Variants in MIOS observed in about 807,000 individuals in gnomAD.
MIOS encodes GATOR2 complex protein MIOS.
MIOS carries 52 observed loss-of-function variants against 96.9 expected under a neutral mutation model. That is an observed-to-expected ratio of 0.54 (90% confidence interval 0.43 to 0.68). MIOS has a LOEUF of 0.68. MIOS is among the 30% of genes least tolerant of loss of function. MIOS has a pLI of 0.00. For missense variants in MIOS, 1,005 were observed against 1,052.8 expected, an observed-to-expected ratio of 0.95 and a Z score of 0.63; for synonymous variants, 397 against 359.5, an observed-to-expected ratio of 1.10 and a Z score of -1.18.
intron 5 of MIOS, among the ~76,000 whole-genome samples, chr7:7,577,601 A>T (rs2115376073): frequency 6.6e-6 from 1 of 152,310 alleles, no homozygotes; most frequent in Non-Finnish European, 1.5e-5. Context: ...AGTGAAGCGA[A>T]GTTCCTAGAA....
intron 5 of MIOS, among the ~76,000 whole-genome samples, chr7:7,580,714 A>G (rs1205630612): frequency 6.8e-6 from 1 of 146,254 alleles, no homozygotes; most frequent in African/African-American, 2.6e-5. Flanking sequence ...TTTTTTTTAA[A>G]GAGACAGAAT....
At chr7:7,589,187 A>G (rs1447591837) in intron 8 of MIOS, among the ~76,000 whole-genome samples, 1 of 152,198 alleles carries the variant, frequency 6.6e-6, no homozygotes, top group Non-Finnish European at 1.5e-5. Flanking sequence ...TTAATTATCA[A>G]CATAATAAAT....
intron 11 of MIOS, chr7:7,605,275 A>G (rs566577000): frequency 9.3e-5 from 14 of 151,200 alleles, no homozygotes; most frequent in African/African-American, 3.4e-4. Flanking sequence ...TGTACAGATG[A>G]GAATTACCTG....
chr7:7,571,749 C>G lies in MIOS; in HGVS notation c.-40-687C>G, dbSNP rs188221584. ...ATATACGGCAGAGCTAGGACTAGAACTCAGGTTCGTTCAGTACATTCCAGT... is the reference window on the plus strand; with the variant it reads ...ATATACGGCAGAGCTAGGACTAGAAGTCAGGTTCGTTCAGTACATTCCAGT... On this transcript the variant is annotated intron_variant, in intron 3 of 12. Coordinates refer to ENST00000340080, the MANE Select transcript of MIOS (RefSeq NM_019005.4). Among the ~76,000 whole-genome samples the G allele has an allele frequency of 3.9e-5, 6 of 152,300 alleles. No individual in the cohort carries two copies. The East Asian group carries it at 1.2e-3, about 29-fold the overall frequency.
chr7:7,602,729 C>G (rs1235090633), intron 11 of MIOS, among the ~76,000 whole-genome samples: 2 of 151,704 alleles, frequency 1.3e-5, no homozygotes, highest in Admixed American at 6.6e-5. Flanking sequence ...AACTAAAGTT[C>G]ATATGGAACC....
At position 7,608,863 on chromosome 7, in the gene MIOS, TATATG is replaced by T. The variant is rs1406826618; in HGVS notation, c.*1773_*1777del. 1.3e-5 allele frequency: 2 copies of T among 152,068 alleles called. No individual in the cohort carries two copies. The highest frequency in any genetic ancestry group is 1.9e-4 in the East Asian group (1 of 5,204). The allele number at this position is 152,068 out of a possible 1,614,324, so 9.4% of individuals were successfully genotyped here. ...GTAATATGCTTATTTGTAATCCTAA[TATATG>T]AGGGTGACATTTTTAAGATTGTATG... is the stretch of plus-strand genomic sequence containing the variant. On this transcript the variant is annotated 3_prime_UTR_variant, in exon 13 of 13. Transcript: ENST00000340080.
At chr7:7,597,517 T>TATATATATATAAAA (rs372634070) in intron 11 of MIOS, among the ~76,000 whole-genome samples, 732 of 70,420 alleles carry the variant, frequency 0.01, 218 homozygotes, top group Non-Finnish European at 0.014. Context: ...TATATATATA[T>TATATATATATAAAA]GAAGGCAATA....
chr7:7,603,273 C>G (rs1583660815), intron 11 of MIOS, among the ~76,000 whole-genome samples: 3 of 151,718 alleles, frequency 2.0e-5, no homozygotes, highest in Admixed American at 2.0e-4. Context: ...TCAGAGTGAA[C>G]AGGCAACCTA....
chr7:7,568,123 G>T lies in MIOS; in HGVS notation c.-41G>T, dbSNP rs531300180. The T allele has an allele frequency of 6.6e-6, 1 of 152,284 alleles. No individual in the cohort carries two copies. Among genetic ancestry groups the T allele is most frequent in the Admixed American group, 6.5e-5 (1 of 15,304 alleles). The allele number at this position is 152,284 out of a possible 1,614,324, so 9.4% of individuals were successfully genotyped here. ...GAAGTGAGACTTGTTAAACTTGAAA[G>T]GTGAGGATATAAATACAAGCTGTAA... On this transcript the variant is annotated splice_region_variant and 5_prime_UTR_variant, in exon 3 of 13. Transcript: ENST00000340080.
At chr7:7,602,048 A>T (rs1374818628) in intron 11 of MIOS, among the ~76,000 whole-genome samples, 3 of 152,342 alleles carry the variant, frequency 2.0e-5, no homozygotes, top group Middle Eastern at 6.8e-3. Flanking sequence ...ACTCTCAATA[A>T]ATTAGGTATT....
At chr7:7,599,692 A>T (rs919789436) in intron 11 of MIOS, among the ~76,000 whole-genome samples, 1 of 152,172 alleles carries the variant, frequency 6.6e-6, no homozygotes, top group Non-Finnish European at 1.5e-5. Context: ...CTGATAAGAA[A>T]CAGTAGGAAA....
At chr7:7,597,207 T>C (rs193272488) in intron 11 of MIOS, among the ~76,000 whole-genome samples, 3,907 of 151,414 alleles carry the variant, frequency 0.026, 154 homozygotes, top group African/African-American at 0.09. Context: ...ACACCTGTAG[T>C]CCCAGCTGCT....
intron 11 of MIOS, among the ~76,000 whole-genome samples, chr7:7,599,347 T>C (rs9640045): frequency 0.95 from 145,200 of 152,226 alleles, 69,367 homozygotes; most frequent in East Asian, 1. Flanking sequence ...TGCTACTTTT[T>C]TCTAAAATCC....
intron 6 of MIOS, among the ~76,000 whole-genome samples, chr7:7,583,903 A>G (rs3807856): frequency 0.63 from 95,579 of 151,932 alleles, 31,172 homozygotes; most frequent in Admixed American, 0.74. Context: ...TTCATTTAGT[A>G]TTTTTTAAAA....
intron 11 of MIOS, among the ~76,000 whole-genome samples, chr7:7,600,043 C>T (rs377092493): frequency 4.6e-4 from 70 of 151,954 alleles, no homozygotes; most frequent in African/African-American, 1.4e-3. Context: ...GGAGGAGGAT[C>T]GAAAAACTAC....
intron 9 of MIOS, among the ~76,000 whole-genome samples, chr7:7,592,552 A>G (rs1299262159): frequency 6.6e-6 from 1 of 151,750 alleles, no homozygotes; most frequent in Non-Finnish European, 1.5e-5. Context: ...TAATTCTACA[A>G]CTCACCATAA....
intron 7 of MIOS, among the ~76,000 whole-genome samples, chr7:7,588,194 A>G (rs1316565050): frequency 6.6e-6 from 1 of 152,148 alleles, no homozygotes; most frequent in African/African-American, 2.4e-5. Flanking sequence ...AATTTGATAT[A>G]CTGTGCATCA....
At chr7:7,605,697 T>C (rs922538242) in intron 11 of MIOS, 3 of 367,038 alleles carry the variant, frequency 8.2e-6, no homozygotes, top group Non-Finnish European at 1.5e-5. Flanking sequence ...TCCAAAGTTT[T>C]AAATTTAGAT....
rs551203355 is a variant in MIOS at position 7,569,229 on chromosome 7, C to T, written c.-41+1106C>T. ...TTGCTGTCGTAGCTGCTTCCTGTTA[C>T]GTGAGGTGCCCCTCTTCCTCCTCAT... On this transcript the variant is annotated intron_variant, in intron 3 of 12. Transcript: ENST00000340080. 9.2e-5 allele frequency among the ~76,000 whole-genome samples: 14 copies of T among 152,300 alleles called. 1 individual carries two copies. In the East Asian group the frequency reaches 2.3e-3, roughly 25 times the overall value.
Sources: allele counts gnomAD v4.1 joint callset (sites outside exome capture counted in the v4.1 genomes callset), GRCh38; gene constraint gnomAD v4.1.1; transcripts MANE v1.5; gene names NCBI Gene and HGNC (gene_info 2026-07-23, HGNC 2026-07-21).